The following STAU2 variants were observed in gnomAD, a reference collection of about 807,000 sequenced individuals.
STAU2 encodes staufen double-stranded RNA binding protein 2, also known as double-stranded RNA-binding protein Staufen homolog 2.
STAU2 carries 20 observed loss-of-function variants against 65.9 expected under a neutral mutation model. The ratio of observed to expected loss-of-function variants is 0.30; its 90% CI spans 0.21 to 0.44. STAU2 has a LOEUF of 0.44. Among genes scored for constraint, STAU2 ranks in the 20% least tolerant of loss-of-function variants. The probability of loss-of-function intolerance (pLI) is 1.00; values close to 1 mark genes in which losing one functional copy is unlikely to be tolerated. For synonymous variants in STAU2, 232 were observed against 233.9 expected, an observed-to-expected ratio of 0.99 and a Z score of 0.07; for missense variants, 558 against 683.9, an observed-to-expected ratio of 0.82 and a Z score of 2.05.
At chr8:73,691,711 T>C (rs548334494) in intron 4 of STAU2, among the ~76,000 whole-genome samples, 29 of 152,228 alleles carry the variant, frequency 1.9e-4, no homozygotes, top group Non-Finnish European at 3.2e-4. Flanking sequence ...ATAAGAAATA[T>C]GTATTTGGTC....
chr8:73,577,795 T>A (rs1809687897), intron 12 of STAU2, among the ~76,000 whole-genome samples: 2 of 152,216 alleles, frequency 1.3e-5, no homozygotes, highest in Non-Finnish European at 2.9e-5. Flanking sequence ...ACATTTATTT[T>A]TAATCCCCAT....
intron 12 of STAU2, among the ~76,000 whole-genome samples, chr8:73,555,390 A>C (rs1807664015): frequency 6.6e-6 from 1 of 152,170 alleles, no homozygotes; most frequent in Admixed American, 6.5e-5. Context: ...GGTCCAGGGA[A>C]CTTTATCCTG....
intron 4 of STAU2, among the ~76,000 whole-genome samples, chr8:73,704,589 G>A (rs1820364237): frequency 6.6e-6 from 1 of 152,170 alleles, no homozygotes; most frequent in Non-Finnish European, 1.5e-5. Context: ...AAAGTGGGTA[G>A]GGGATGGTAA....
intron 6 of STAU2, among the ~76,000 whole-genome samples, chr8:73,640,943 A>T (rs1446143022): frequency 1.3e-5 from 2 of 152,226 alleles, no homozygotes; most frequent in African/African-American, 4.8e-5. Flanking sequence ...TTAATATTTC[A>T]AAGCCACAAA....
chr8:73,455,202 G>A (rs1198372086), intron 13 of STAU2, among the ~76,000 whole-genome samples: 1 of 152,082 alleles, frequency 6.6e-6, no homozygotes, highest in Non-Finnish European at 1.5e-5. Context: ...GCTCTGCTTG[G>A]GCTGGCTCTG....
chr8:73,727,489 G>A (rs943674523), intron 3 of STAU2, among the ~76,000 whole-genome samples: 1 of 152,178 alleles, frequency 6.6e-6, no homozygotes, highest in African/African-American at 2.4e-5. Context: ...CCATTTGTGT[G>A]TGTCTTCTTT....
chr8:73,700,493 AT>A (rs1820022886), intron 4 of STAU2, among the ~76,000 whole-genome samples: 1 of 152,166 alleles, frequency 6.6e-6, no homozygotes, highest in Non-Finnish European at 1.5e-5. Flanking sequence ...CAAAATAAAT[AT>A]ACTAAATCAG....
chr8:73,491,202 G>A (rs1177482054), intron 13 of STAU2, among the ~76,000 whole-genome samples: 2 of 152,028 alleles, frequency 1.3e-5, no homozygotes, highest in Admixed American at 6.6e-5. Context: ...ATTTCATGCT[G>A]AAGTGAATGG....
At chr8:73,467,992 G>A (rs1274903149) in intron 13 of STAU2, among the ~76,000 whole-genome samples, 1 of 152,136 alleles carries the variant, frequency 6.6e-6, no homozygotes, top group East Asian at 1.9e-4. Context: ...AGCCCACATT[G>A]CCAAGTCAAT....
intron 13 of STAU2, among the ~76,000 whole-genome samples, chr8:73,457,238 C>T (rs1363431392): frequency 1.3e-5 from 2 of 152,192 alleles, no homozygotes; most frequent in South Asian, 2.1e-4. Context: ...GAAATTTCAA[C>T]AACCAAAAAC....
intron 4 of STAU2, among the ~76,000 whole-genome samples, chr8:73,692,466 G>A (rs769904112): frequency 6.6e-6 from 1 of 152,084 alleles, no homozygotes; most frequent in African/African-American, 2.4e-5. Context: ...AAAGTGCTGG[G>A]ATTACAGGCG....
At chr8:73,466,389 G>T (rs779020113) in intron 13 of STAU2, among the ~76,000 whole-genome samples, 1 of 152,172 alleles carries the variant, frequency 6.6e-6, no homozygotes, top group Non-Finnish European at 1.5e-5. Context: ...AAGGGCTTGA[G>T]CAACGCCTTT....
chr8:73,565,778 G>T (rs939517286), intron 12 of STAU2, among the ~76,000 whole-genome samples: 4 of 151,872 alleles, frequency 2.6e-5, no homozygotes, highest in African/African-American at 9.7e-5. Context: ...TTACAATTTG[G>T]GTCTTTATTG....
chr8:73,669,848 T>C (rs554890621), intron 6 of STAU2, among the ~76,000 whole-genome samples: 1 of 152,304 alleles, frequency 6.6e-6, no homozygotes, highest in East Asian at 1.9e-4. Flanking sequence ...TTAAAAGTAA[T>C]AAATTTAGAA....
At chr8:73,660,728 C>T (rs1182772413) in intron 6 of STAU2, among the ~76,000 whole-genome samples, 1 of 152,182 alleles carries the variant, frequency 6.6e-6, no homozygotes, top group Non-Finnish European at 1.5e-5. Context: ...TAAATCCTAA[C>T]TTAATAACTC....
intron 4 of STAU2, among the ~76,000 whole-genome samples, chr8:73,699,784 A>G (rs1245281395): frequency 6.6e-6 from 1 of 150,656 alleles, no homozygotes; most frequent in East Asian, 2.0e-4. Flanking sequence ...ATTCTGAAAA[A>G]TAGAGGAGGA....
chr8:73,585,373 A>C (rs1810289198), intron 11 of STAU2, among the ~76,000 whole-genome samples: 1 of 152,188 alleles, frequency 6.6e-6, no homozygotes. Flanking sequence ...CCAGATACTC[A>C]GGAGGCTGAG....
chr8:73,562,980 AG>A (rs1741353794), intron 12 of STAU2, among the ~76,000 whole-genome samples: 1 of 151,970 alleles, frequency 6.6e-6, no homozygotes, highest in Non-Finnish European at 1.5e-5. Context: ...ATATATATAA[AG>A]TACTTATCCA....
chr8:73,573,585 C>T (rs1359023954), intron 12 of STAU2, among the ~76,000 whole-genome samples: 3 of 152,262 alleles, frequency 2.0e-5, no homozygotes, highest in African/African-American at 7.2e-5. Flanking sequence ...ACAGAGCCCT[C>T]AGAAATAATA....
Sources: gnomAD v4.1 joint callset for allele counts (sites outside exome capture counted in the v4.1 genomes callset) on GRCh38, gnomAD v4.1.1 for gene constraint, MANE v1.5 for transcripts, NCBI Gene and HGNC (gene_info 2026-07-23, HGNC 2026-07-21) for gene names.